EYA1: variants seen among roughly 807,000 people sequenced by gnomAD.
The protein encoded by EYA1 is protein phosphatase EYA1.
A neutral mutation model predicts 82.0 loss-of-function variants in EYA1; 16 were observed. That is an observed-to-expected ratio of 0.20 (90% CI 0.13 to 0.30). EYA1 has a LOEUF of 0.30. Ranked by LOEUF, EYA1 falls within the 10% of genes least tolerant of loss-of-function variation. EYA1 has a pLI of 1.00. For missense variants in EYA1, 633 were observed against 730.7 expected (o/e 0.87, Z 1.54); for synonymous variants, 261 against 264.4 (o/e 0.99, Z 0.12).
rs1172838226 is a variant in EYA1, at chr8:71,361,852, G to C, written c.-260C>G. On this transcript the variant is annotated 5_prime_UTR_variant, in exon 1 of 18. Transcript: ENST00000340726. ...AGGGGGCAGGCGCCTGGCCGCTGCC[G>C]CAGGCTCGGGCTGCCGAGCGACTGA... 2 of 985,280 alleles carry C rather than the reference G, an allele frequency of 2.0e-6. No individual in the cohort carries two copies. Among genetic ancestry groups the C allele is most frequent in the African/African-American group, 1.7e-5 (1 of 57,228 alleles). The allele number at this position is 985,280 out of a possible 1,614,324, so 61.0% of individuals were successfully genotyped here.
In EYA1 at chr8:71,299,092, G is replaced by T. The variant is rs766545848; in HGVS notation, c.781C>A (p.Pro261Thr). 4.3e-6 allele frequency: 7 copies of T among 1,614,108 alleles called. No homozygotes were observed. Among genetic ancestry groups the T allele is most frequent in the Non-Finnish European group, 5.9e-6 (7 of 1,179,990 alleles). ...STNATYQLQE[P>T]PSGITSQAVT... ...GCTTGGCTGGTGATGCCAGATGGCGGTTCTTGAAGCTGGTAAGTGGCATTG... is the reference window on the plus strand; with the variant it reads ...GCTTGGCTGGTGATGCCAGATGGCGTTTCTTGAAGCTGGTAAGTGGCATTG... Residue 261 changes from proline to threonine, a missense_variant, in exon 9 of 18, where the codon CCG becomes ACG. Transcript: ENST00000340726.
intron 2 of EYA1, among the ~76,000 whole-genome samples, chr8:71,521,309 G>A (rs973439333): frequency 1.3e-5 from 2 of 152,142 alleles, no homozygotes; most frequent in East Asian, 1.9e-4. Context: ...TTTCAGTGAC[G>A]TGGAATTAAG....
intron 2 of EYA1, among the ~76,000 whole-genome samples, chr8:71,413,993 G>C (rs1213560363): frequency 6.6e-6 from 1 of 152,156 alleles, no homozygotes; most frequent in Non-Finnish European, 1.5e-5. Flanking sequence ...GAATGCTGTT[G>C]GGATTAACAC....
chr8:71,201,319 A>G (rs1806979666), intron 17 of EYA1, among the ~76,000 whole-genome samples: 1 of 97,504 alleles, frequency 1.0e-5, no homozygotes, highest in Non-Finnish European at 2.2e-5. Flanking sequence ...GCCAAGATCC[A>G]TATACCAGGT....
rs1822556842 is a variant in EYA1, at chr8:71,321,621, G to A, written c.418+113C>T. ...TCATACTAAGAATTTAGACACAGAA[G>A]GTGACAACACGTTCTAAATTGGCCA... On this transcript the variant is annotated intron_variant, in intron 6 of 17. Transcript: ENST00000340726. 1.1e-4 allele frequency: 140 copies of A among 1,316,592 alleles called. 1 individual carries two copies. The South Asian group carries it at 1.9e-3, about 17-fold the overall frequency. 81.6% of individuals were successfully genotyped at this position (1,316,592 alleles called of 1,614,324 possible).
intron 11 of EYA1, among the ~76,000 whole-genome samples, chr8:71,251,274 A>G (rs1436919431): frequency 3.9e-5 from 6 of 152,212 alleles, no homozygotes; most frequent in African/African-American, 1.4e-4. Flanking sequence ...AAAAGGAAAA[A>G]AATACAGTCA....
intron 2 of EYA1, among the ~76,000 whole-genome samples, chr8:71,427,846 C>A (rs578106115): frequency 6.6e-6 from 1 of 151,856 alleles, no homozygotes; most frequent in East Asian, 1.9e-4. Flanking sequence ...ATAGCAAAAA[C>A]CCTATTTCTA....
intron 2 of EYA1, among the ~76,000 whole-genome samples, chr8:71,435,301 C>A (rs1177820427): frequency 1.3e-5 from 2 of 152,068 alleles, no homozygotes; most frequent in Non-Finnish European, 2.9e-5. Flanking sequence ...GATGTTTAAC[C>A]TTTGCTACCA....
chr8:71,430,067 C>T (rs1375483843), intron 2 of EYA1, among the ~76,000 whole-genome samples: 5 of 152,096 alleles, frequency 3.3e-5, no homozygotes, highest in Admixed American at 6.5e-5. Flanking sequence ...GTTAGTATAG[C>T]CAGAGCCACT....
At position 71,255,985 on chromosome 8, in the gene EYA1, A is replaced by T. The variant is rs117265814; in HGVS notation, c.1051-11293T>A. The stretch of plus-strand genomic sequence containing the variant: ...ATCATTATTCATGAGGGAAATGTGA[A>T]CCCAAACCACTGTGAGTTATTATCT... On this transcript the variant is annotated intron_variant, in intron 11 of 17. Transcript: ENST00000340726. Among the ~76,000 whole-genome samples, 1,456 of 152,282 alleles carry T rather than the reference A, an allele frequency of 9.6e-3. 10 individuals are homozygous for T. Among genetic ancestry groups the T allele is most frequent in the Non-Finnish European group, 0.017 (1,132 of 68,008 alleles).
chr8:71,404,403 GGTCACCACACTTCATAAGAGTGTTA>G (rs1411849514), intron 2 of EYA1: 1 of 152,084 alleles, frequency 6.6e-6, no homozygotes, highest in East Asian at 1.9e-4. Context: ...AAATATCAGT[GGTCACCACACTTCATAAGAGTGTTA>G]GTCCATGAAT....
intron 2 of EYA1, among the ~76,000 whole-genome samples, chr8:71,445,975 C>T (rs1050594075): frequency 6.6e-6 from 1 of 152,180 alleles, no homozygotes; most frequent in Admixed American, 6.5e-5. Flanking sequence ...TAGGAGACTA[C>T]AGTTGATTGA....
intron 2 of EYA1, among the ~76,000 whole-genome samples, chr8:71,384,193 T>C (rs75829047): frequency 1.3e-5 from 2 of 152,234 alleles, no homozygotes; most frequent in Non-Finnish European, 2.9e-5. Context: ...GTTGTTTTCA[T>C]GTTGCTTACA....
chr8:71,396,187 T>C (rs1326886837), intron 2 of EYA1, among the ~76,000 whole-genome samples: 2 of 152,190 alleles, frequency 1.3e-5, no homozygotes, highest in Non-Finnish European at 2.9e-5. Context: ...TCTCTTTTCT[T>C]CTTTATTAGT....
intron 1 of EYA1, among the ~76,000 whole-genome samples, chr8:71,361,057 T>C (rs1358830943): frequency 6.6e-6 from 1 of 152,230 alleles, no homozygotes; most frequent in Non-Finnish European, 1.5e-5. Flanking sequence ...ATTAATTGGG[T>C]AAATGTTTGT....
At chr8:71,311,094 T>C (rs1340820678) in intron 7 of EYA1, among the ~76,000 whole-genome samples, 5 of 152,184 alleles carry the variant, frequency 3.3e-5, no homozygotes, top group African/African-American at 4.8e-5. Context: ...AATTTTATTT[T>C]CCTCATATGA....
chr8:71,314,266 A>C (rs987674857), intron 7 of EYA1, among the ~76,000 whole-genome samples: 4 of 152,224 alleles, frequency 2.6e-5, no homozygotes, highest in Admixed American at 2.0e-4. Context: ...CTAGGTGCAC[A>C]AAATCATTGA....
chr8:71,287,288 T>C (rs1818497054), intron 9 of EYA1, among the ~76,000 whole-genome samples: 1 of 152,168 alleles, frequency 6.6e-6, no homozygotes, highest in Non-Finnish European at 1.5e-5. Flanking sequence ...TTTTGTAAAA[T>C]AAACTAAAGG....
At chr8:71,409,987 C>G (rs914979057) in intron 2 of EYA1, among the ~76,000 whole-genome samples, 2 of 150,506 alleles carry the variant, frequency 1.3e-5, no homozygotes, top group African/African-American at 4.9e-5. Flanking sequence ...AAAATACTGG[C>G]AAACCGAATC....
Sources: gnomAD v4.1 joint callset for allele counts (sites outside exome capture counted in the v4.1 genomes callset) on GRCh38, gnomAD v4.1.1 for gene constraint, MANE v1.5 for transcripts, NCBI Gene and HGNC (gene_info 2026-07-23, HGNC 2026-07-21) for gene names.